The following SPAG16 variants were observed in gnomAD, a reference collection of about 807,000 sequenced individuals.
SPAG16 encodes the protein sperm associated antigen 16.
Under a neutral mutation model 80.4 loss-of-function variants are expected in SPAG16, and 86 were observed. That is an observed-to-expected ratio of 1.07 (90% CI 0.90 to 1.28). The LOEUF is 1.28. Among genes scored for constraint, SPAG16 ranks in the 50% most tolerant of loss-of-function variants. The probability of loss-of-function intolerance (pLI) is 0.00; values close to 1 mark genes in which losing one functional copy is unlikely to be tolerated. For synonymous variants in SPAG16, 294 were observed against 265.9 expected, an observed-to-expected ratio of 1.11 and a Z score of -1.03; for missense variants, 870 against 765.3, an observed-to-expected ratio of 1.14 and a Z score of -1.61.
chr2:213,968,102 C>G (rs1275296905), intron 12 of SPAG16, among the ~76,000 whole-genome samples: 1 of 151,058 alleles, frequency 6.6e-6, no homozygotes, highest in Admixed American at 6.6e-5. Flanking sequence ...CTTCTTTTTT[C>G]TTTTCTTTTC....
At chr2:213,530,962 ATC>A (rs2076046194) in intron 10 of SPAG16, among the ~76,000 whole-genome samples, 1 of 152,090 alleles carries the variant, frequency 6.6e-6, no homozygotes, top group Non-Finnish European at 1.5e-5. Flanking sequence ...GAATTTATGA[ATC>A]TAATTAAAGT....
intron 10 of SPAG16, among the ~76,000 whole-genome samples, chr2:213,799,277 T>A (rs1311571103): frequency 6.6e-6 from 1 of 152,116 alleles, no homozygotes; most frequent in East Asian, 1.9e-4. Context: ...CGAGTATAAA[T>A]TTTTCACTTA....
chr2:213,672,286 A>G (rs563713952), intron 10 of SPAG16, among the ~76,000 whole-genome samples: 3 of 151,734 alleles, frequency 2.0e-5, no homozygotes, highest in South Asian at 2.1e-4. Context: ...CTATCAAGCT[A>G]GATATATTTG....
At chr2:213,347,661 A>G (rs2065074484) in intron 6 of SPAG16, among the ~76,000 whole-genome samples, 2 of 152,162 alleles carry the variant, frequency 1.3e-5, no homozygotes, top group African/African-American at 2.4e-5. Flanking sequence ...GTCATTCAGG[A>G]GCAGGTTGTT....
chr2:213,888,077 T>C (rs1375903356), intron 11 of SPAG16, among the ~76,000 whole-genome samples: 4 of 151,956 alleles, frequency 2.6e-5, no homozygotes, highest in Admixed American at 2.0e-4. Context: ...TCTGGAAAGA[T>C]ACAACAGTGT....
chr2:213,882,236 A>G (rs1327958487), intron 11 of SPAG16, among the ~76,000 whole-genome samples: 1 of 152,088 alleles, frequency 6.6e-6, no homozygotes, highest in Non-Finnish European at 1.5e-5. Context: ...GTTTGCTAGT[A>G]TTTTGTTGGG....
intron 10 of SPAG16, among the ~76,000 whole-genome samples, chr2:213,540,635 G>T (rs1468708273): frequency 3.3e-5 from 5 of 152,044 alleles, no homozygotes; most frequent in African/African-American, 4.8e-5. Flanking sequence ...AATATTTAAA[G>T]GAATATTTCC....
chr2:213,360,854 C>T (rs1210269267), intron 7 of SPAG16, among the ~76,000 whole-genome samples: 1 of 152,112 alleles, frequency 6.6e-6, no homozygotes, highest in Non-Finnish European at 1.5e-5. Flanking sequence ...ACGTTTGATG[C>T]AGTTACGCTT....
intron 10 of SPAG16, among the ~76,000 whole-genome samples, chr2:213,518,243 T>A (rs2075519112): frequency 6.6e-6 from 1 of 152,196 alleles, no homozygotes; most frequent in South Asian, 2.1e-4. Flanking sequence ...AAAACCATGA[T>A]GCAAAACCAT....
intron 12 of SPAG16, among the ~76,000 whole-genome samples, chr2:213,986,368 T>A (rs1394921917): frequency 6.6e-6 from 1 of 152,074 alleles, no homozygotes; most frequent in Non-Finnish European, 1.5e-5. Flanking sequence ...TATTTAGTTA[T>A]AATTAACTAT....
At chr2:213,560,220 G>C (rs1039930461) in intron 10 of SPAG16, among the ~76,000 whole-genome samples, 2 of 151,958 alleles carry the variant, frequency 1.3e-5, no homozygotes, top group African/African-American at 4.8e-5. Context: ...CAAAATTCTA[G>C]GGCATAATAA....
intron 10 of SPAG16, among the ~76,000 whole-genome samples, chr2:213,687,763 A>G (rs1317421025): frequency 6.6e-6 from 1 of 152,160 alleles, no homozygotes; most frequent in Non-Finnish European, 1.5e-5. Context: ...TTGAAGTTTG[A>G]TATGATTCTC....
At chr2:214,046,536 A>T (rs1265102821) in intron 13 of SPAG16, among the ~76,000 whole-genome samples, 6 of 152,160 alleles carry the variant, frequency 3.9e-5, no homozygotes, top group Non-Finnish European at 8.8e-5. Context: ...GAATGCAAGG[A>T]TGGTCTAACA....
chr2:213,396,015 C>T (rs962868175), intron 9 of SPAG16, among the ~76,000 whole-genome samples: 1 of 142,748 alleles, frequency 7.0e-6, no homozygotes, highest in African/African-American at 2.4e-5. Context: ...CATGAGTTTG[C>T]TTCTGGACTT....
chr2:214,314,520 T>C (rs1237336663), intron 15 of SPAG16, among the ~76,000 whole-genome samples: 4 of 152,188 alleles, frequency 2.6e-5, no homozygotes, highest in Admixed American at 1.3e-4. Flanking sequence ...TCTCTGTGGG[T>C]TTGAATCCCA....
intron 10 of SPAG16, among the ~76,000 whole-genome samples, chr2:213,798,511 T>C (rs2071183470): frequency 6.6e-6 from 1 of 152,140 alleles, no homozygotes; most frequent in Non-Finnish European, 1.5e-5. Context: ...CACCTTGGCC[T>C]CCCAGAATGT....
At chr2:213,888,893 C>G (rs2076669274) in intron 11 of SPAG16, among the ~76,000 whole-genome samples, 1 of 151,944 alleles carries the variant, frequency 6.6e-6, no homozygotes, top group South Asian at 2.1e-4. Flanking sequence ...TCTCAATGCA[C>G]AGAACGTAAT....
At chr2:213,891,436 A>G (rs892114741) in intron 11 of SPAG16, among the ~76,000 whole-genome samples, 1 of 152,152 alleles carries the variant, frequency 6.6e-6, no homozygotes, top group Admixed American at 6.6e-5. Context: ...AGATACAATC[A>G]TTCTGAGGTG....
intron 9 of SPAG16, among the ~76,000 whole-genome samples, chr2:213,402,875 C>T (rs774631436): frequency 1.6e-4 from 24 of 152,200 alleles, no homozygotes; most frequent in African/African-American, 2.6e-4. Context: ...TGAATAGTGC[C>T]GCAATAAACA....
Sources: gnomAD v4.1 joint callset for allele counts (sites outside exome capture counted in the v4.1 genomes callset) on GRCh38, gnomAD v4.1.1 for gene constraint, MANE v1.5 for transcripts, NCBI Gene and HGNC (gene_info 2026-07-23, HGNC 2026-07-21) for gene names.